CDK14: variants seen among roughly 807,000 people sequenced by gnomAD.
CDK14 encodes cyclin-dependent kinase 14.
A neutral mutation model predicts 60.7 loss-of-function variants in CDK14; 34 were observed. That is an observed-to-expected ratio of 0.56 (90% confidence interval 0.43 to 0.75). The LOEUF is 0.75. CDK14 is among the 30% of genes least tolerant of loss of function. The pLI is 0.00. For synonymous variants in CDK14, 197 were observed against 203.7 expected, an observed-to-expected ratio of 0.97 and a Z score of 0.28; for missense variants, 482 against 564.1, an observed-to-expected ratio of 0.85 and a Z score of 1.47.
chr7:91,081,646 T>A lies in CDK14; in HGVS notation c.1154+2166T>A, dbSNP rs140660620. 3.6e-4 allele frequency among the ~76,000 whole-genome samples: 55 copies of A among 152,312 alleles called. 1 individual carries two copies. The East Asian group carries it at 0.01, about 28-fold the overall frequency. On this transcript the variant is annotated intron_variant, in intron 12 of 14. Transcript: ENST00000380050. ...CTTGAGAAATGAATCCTTAAGTTTA[T>A]TTGAATAGCTATAACAAAAGACCCA...
At chr7:90,603,687 G>T (rs555426526) in intron 1 of CDK14, among the ~76,000 whole-genome samples, 1 of 152,264 alleles carries the variant, frequency 6.6e-6, no homozygotes, top group Non-Finnish European at 1.5e-5. Flanking sequence ...GAAATACTTT[G>T]TTATAAAATT....
In CDK14 at chr7:90,878,557, C is replaced by T. The variant is rs368123041; in HGVS notation, c.639+15288C>T. On this transcript the variant is annotated intron_variant, in intron 6 of 14. Transcript: ENST00000380050. ...ATCAGCCTTCATCTGGAAGATCCAT[C>T]CTGTGTCCAAGACTTACAAAGATTA... Among the ~76,000 whole-genome samples the T allele has an allele frequency of 4.0e-5, 6 of 151,776 alleles. No individual in the cohort carries two copies. In the South Asian group the frequency reaches 1.2e-3, roughly 31 times the overall value.
intron 10 of CDK14, among the ~76,000 whole-genome samples, chr7:91,012,725 T>C (rs1400057839): frequency 1.3e-5 from 2 of 152,186 alleles, no homozygotes; most frequent in African/African-American, 2.4e-5. Flanking sequence ...CTCTTACTTA[T>C]CTTGACTGGA....
chr7:90,820,561 CTG>C (rs1789509599), intron 5 of CDK14, among the ~76,000 whole-genome samples: 1 of 152,172 alleles, frequency 6.6e-6, no homozygotes, highest in Non-Finnish European at 1.5e-5. Context: ...TCCGCCATGA[CTG>C]TAAGTTTCCT....
intron 4 of CDK14, among the ~76,000 whole-genome samples, chr7:90,779,511 C>T (rs1242220681): frequency 6.6e-6 from 1 of 152,136 alleles, no homozygotes; most frequent in Non-Finnish European, 1.5e-5. Flanking sequence ...GCCCCAGCCT[C>T]CCTATTTCTT....
chr7:90,860,800 T>C (rs894273617), intron 5 of CDK14, among the ~76,000 whole-genome samples: 1 of 152,022 alleles, frequency 6.6e-6, no homozygotes, highest in Non-Finnish European at 1.5e-5. Context: ...TGGGATTACA[T>C]GCATGAGCCA....
chr7:90,882,836 A>G (rs1791808239), intron 6 of CDK14, among the ~76,000 whole-genome samples: 1 of 152,232 alleles, frequency 6.6e-6, no homozygotes, highest in Non-Finnish European at 1.5e-5. Context: ...CTGCTGCTGA[A>G]TGACTCCTGG....
intron 5 of CDK14, among the ~76,000 whole-genome samples, chr7:90,859,576 T>G (rs1318197835): frequency 6.6e-6 from 1 of 152,216 alleles, no homozygotes; most frequent in African/African-American, 2.4e-5. Flanking sequence ...ACTTTACATT[T>G]TAGAGCAGGT....
chr7:91,076,608 A>G (rs766172737), intron 11 of CDK14, among the ~76,000 whole-genome samples: 31 of 152,216 alleles, frequency 2.0e-4, no homozygotes, highest in Admixed American at 3.3e-4. Context: ...TTCGTGACAA[A>G]AATGCCAAAA....
chr7:90,601,536 A>G (rs1799312780), intron 1 of CDK14, among the ~76,000 whole-genome samples: 1 of 152,206 alleles, frequency 6.6e-6, no homozygotes, highest in Non-Finnish European at 1.5e-5. Context: ...CCTGTTCATT[A>G]TGTCATAGCA....
intron 5 of CDK14, among the ~76,000 whole-genome samples, chr7:90,843,871 T>G (rs1194504081): frequency 6.6e-6 from 1 of 152,270 alleles, no homozygotes; most frequent in East Asian, 1.9e-4. Flanking sequence ...TTGACTATGA[T>G]CTATATAATG....
At chr7:91,018,478 C>T (rs1584236280) in intron 10 of CDK14, among the ~76,000 whole-genome samples, 1 of 152,102 alleles carries the variant, frequency 6.6e-6, no homozygotes, top group East Asian at 1.9e-4. Context: ...AAAATATCTT[C>T]TTGCAGAGTC....
chr7:90,669,184 G>GGTAGTAGT (rs1801050922), intron 2 of CDK14, among the ~76,000 whole-genome samples: 1 of 152,106 alleles, frequency 6.6e-6, no homozygotes, highest in African/African-American at 2.4e-5. Flanking sequence ...TTGCGTAGTA[G>GGTAGTAGT]GTAGTAGTGC....
intron 8 of CDK14, among the ~76,000 whole-genome samples, chr7:90,950,003 G>A (rs868087932): frequency 3.3e-5 from 5 of 152,248 alleles, no homozygotes; most frequent in Non-Finnish European, 7.3e-5. Context: ...GATTATATGA[G>A]TAGATTGGGC....
intron 14 of CDK14, among the ~76,000 whole-genome samples, chr7:91,127,908 C>T (rs780647653): frequency 3.3e-5 from 5 of 152,120 alleles, no homozygotes; most frequent in African/African-American, 4.8e-5. Flanking sequence ...TAAAGGCTTC[C>T]AGTATTTTTA....
chr7:90,972,807 A>T (rs1250430371), intron 9 of CDK14, among the ~76,000 whole-genome samples: 1 of 152,220 alleles, frequency 6.6e-6, no homozygotes, highest in Non-Finnish European at 1.5e-5. Flanking sequence ...TTCAAAACAG[A>T]ATTACCCAAA....
chr7:90,969,605 G>A (rs538452210), intron 9 of CDK14, among the ~76,000 whole-genome samples: 1 of 152,234 alleles, frequency 6.6e-6, no homozygotes, highest in South Asian at 2.1e-4. Context: ...AATTAAAGAT[G>A]TGCAAGGCTT....
intron 2 of CDK14, among the ~76,000 whole-genome samples, chr7:90,700,417 T>A (rs1050968730): frequency 3.9e-5 from 6 of 152,242 alleles, no homozygotes; most frequent in South Asian, 2.1e-4. Context: ...TTGAACCATA[T>A]GTTCAAACCG....
chr7:90,944,015 A>G (rs752954549), intron 8 of CDK14, among the ~76,000 whole-genome samples: 1 of 152,140 alleles, frequency 6.6e-6, no homozygotes, highest in Non-Finnish European at 1.5e-5. Flanking sequence ...GGGAACTGGA[A>G]TAGTTACCAT....
Sources: gnomAD v4.1 joint callset for allele counts (sites outside exome capture counted in the v4.1 genomes callset) on GRCh38, gnomAD v4.1.1 for gene constraint, MANE v1.5 for transcripts, NCBI Gene and HGNC (gene_info 2026-07-23, HGNC 2026-07-21) for gene names.